The following TNR variants were observed in gnomAD, a reference collection of about 807,000 sequenced individuals.
The protein encoded by TNR is tenascin-R.
Under a neutral mutation model 150.4 loss-of-function variants are expected in TNR, and 45 were observed. The ratio of observed to expected loss-of-function variants is 0.30; its 90% CI spans 0.24 to 0.38. TNR has a LOEUF of 0.38. Ranked by LOEUF, TNR falls within the 10% of genes least tolerant of loss-of-function variation. The pLI, the probability that TNR is intolerant of heterozygous loss-of-function variation, is 1.00. For synonymous variants in TNR, 687 were observed against 678.4 expected (o/e 1.01, Z -0.20); for missense variants, 1,544 against 1,759.1 (o/e 0.88, Z 2.19).
intron 1 of TNR, among the ~76,000 whole-genome samples, chr1:175,620,913 T>C (rs1329276241): frequency 6.6e-6 from 1 of 152,196 alleles, no homozygotes; most frequent in Non-Finnish European, 1.5e-5. Flanking sequence ...AGTCTCATAC[T>C]TACCTGCCAG....
At chr1:175,487,443 A>G (rs1178212233) in intron 2 of TNR, among the ~76,000 whole-genome samples, 2 of 152,138 alleles carry the variant, frequency 1.3e-5, no homozygotes, top group East Asian at 3.9e-4. Context: ...TCTTCCCGAC[A>G]TCCTTTGATT....
chr1:175,575,740 C>A (rs567593029), intron 1 of TNR, among the ~76,000 whole-genome samples: 41 of 152,262 alleles, frequency 2.7e-4, no homozygotes, highest in Admixed American at 9.2e-4. Flanking sequence ...TGGGAGAGAG[C>A]CCGCACCACA....
chr1:175,559,255 C>G (rs1661317738), intron 1 of TNR, among the ~76,000 whole-genome samples: 1 of 152,122 alleles, frequency 6.6e-6, no homozygotes, highest in Non-Finnish European at 1.5e-5. Flanking sequence ...TGTGAATGTA[C>G]TAAATAGTAC....
At chr1:175,344,162 T>A (rs1571317993) in intron 18 of TNR, among the ~76,000 whole-genome samples, 2 of 152,132 alleles carry the variant, frequency 1.3e-5, no homozygotes, top group East Asian at 3.8e-4. Flanking sequence ...AATGAAGGCT[T>A]TGGTTTGTGG....
chr1:175,417,179 A>G (rs1654534955), intron 2 of TNR, among the ~76,000 whole-genome samples: 1 of 152,196 alleles, frequency 6.6e-6, no homozygotes, highest in Non-Finnish European at 1.5e-5. Context: ...GTCCATTTTT[A>G]TGTATTGAAT....
intron 19 of TNR, 96 bp from the exon 20 acceptor site, chr1:175,335,903 T>C: frequency 9.1e-7 from 1 of 1,102,572 alleles, no homozygotes; most frequent in Non-Finnish European, 1.3e-6. Flanking sequence ...AAAATTGATA[T>C]AACTGGGTTT....
intron 18 of TNR, among the ~76,000 whole-genome samples, chr1:175,349,928 G>A (rs928208187): frequency 2.0e-5 from 3 of 152,224 alleles, no homozygotes; most frequent in African/African-American, 4.8e-5. Flanking sequence ...AAATAGTGGA[G>A]CAGAGAGAAG....
At chr1:175,335,880 A>C (rs1265056548) in intron 19 of TNR, 73 bp from the exon 20 acceptor site, 1 of 1,337,336 alleles carries the variant, frequency 7.5e-7, no homozygotes, top group African/African-American at 1.5e-5. Flanking sequence ...AAGGAAAATA[A>C]ACTGTGATAA....
intron 1 of TNR, among the ~76,000 whole-genome samples, chr1:175,546,955 GC>G (rs1660714369): frequency 6.6e-6 from 1 of 152,162 alleles, no homozygotes. Flanking sequence ...AATGGGCACT[GC>G]TCTGCAAAGT....
chr1:175,359,993 T>A (rs1651519622), intron 14 of TNR, among the ~76,000 whole-genome samples: 1 of 152,324 alleles, frequency 6.6e-6, no homozygotes, highest in South Asian at 2.1e-4. Flanking sequence ...ACTTCTTATG[T>A]GCAGAATACT....
In TNR at chr1:175,363,847, G is replaced by A. The variant is rs200934827; in HGVS notation, c.2588-20C>T. ...CAATTCCTACAAGGACCCAGTGATT[G>A]TGGGAAAAAGACAGAAAGCACAGTG... On this transcript the variant is annotated intron_variant, in intron 12 of 22. Transcript: ENST00000367674. The A allele has an allele frequency of 5.8e-4, 927 of 1,597,390 alleles. 2 individuals carry two copies. The highest frequency in any genetic ancestry group is 8.1e-4 in the Admixed American group (47 of 57,840).
intron 2 of TNR, among the ~76,000 whole-genome samples, chr1:175,442,560 G>A (rs115229002): frequency 0.018 from 2,678 of 151,798 alleles, 148 homozygotes; most frequent in African/African-American, 0.061. Flanking sequence ...GCATTTGGAA[G>A]CCCCAAACCA....
intron 1 of TNR, among the ~76,000 whole-genome samples, chr1:175,626,207 C>A (rs1664150542): frequency 6.6e-6 from 1 of 152,208 alleles, no homozygotes; most frequent in African/African-American, 2.4e-5. Context: ...ATTGCCCGGT[C>A]TCGGGTATGT....
chr1:175,459,120 T>C (rs1380453539), intron 2 of TNR, among the ~76,000 whole-genome samples: 1 of 149,444 alleles, frequency 6.7e-6, no homozygotes, highest in African/African-American at 2.5e-5. Context: ...ACCATCACCA[T>C]CCCTTCTGCC....
rs187417905 is a variant in TNR, at chr1:175,708,441, C to T, written c.-165+34785G>A. On this transcript the variant is annotated intron_variant, in intron 1 of 22. Transcript: ENST00000367674. ...AAGTAGGGTCTGGGTTAATGAAAGC[C>T]TGAATTCATCTCATCAAACGTCTGT... Among the ~76,000 whole-genome samples, 5 of 152,278 alleles carry T rather than the reference C, an allele frequency of 3.3e-5. No individual in the cohort carries two copies. In the East Asian group the frequency reaches 9.7e-4, roughly 29 times the overall value.
At chr1:175,435,364 C>G (rs970971098) in intron 2 of TNR, among the ~76,000 whole-genome samples, 1 of 152,056 alleles carries the variant, frequency 6.6e-6, no homozygotes, top group Admixed American at 6.5e-5. Context: ...AAAGATAGTG[C>G]CAGATATTTT....
intron 1 of TNR, among the ~76,000 whole-genome samples, chr1:175,658,080 C>T (rs1665247083): frequency 6.6e-6 from 1 of 151,712 alleles, no homozygotes; most frequent in South Asian, 2.1e-4. Context: ...CCCCAGGGGC[C>T]CTCAGCTCCA....
chr1:175,723,168 G>C (rs9787193), intron 1 of TNR, among the ~76,000 whole-genome samples: 1 of 152,104 alleles, frequency 6.6e-6, no homozygotes, highest in African/African-American at 2.4e-5. Context: ...ATAGAAAGAT[G>C]CACAATAGAC....
intron 2 of TNR, among the ~76,000 whole-genome samples, chr1:175,522,047 A>G (rs558245803): frequency 1.3e-5 from 2 of 152,270 alleles, no homozygotes; most frequent in South Asian, 4.1e-4. Context: ...TTGCTTAACT[A>G]TGCCTTCTAC....
Sources: gnomAD v4.1 joint callset for allele counts (sites outside exome capture counted in the v4.1 genomes callset) on GRCh38, gnomAD v4.1.1 for gene constraint, MANE v1.5 for transcripts, NCBI Gene and HGNC (gene_info 2026-07-23, HGNC 2026-07-21) for gene names.